ZSWIM8: variants seen among roughly 807,000 people sequenced by gnomAD.
ZSWIM8 encodes the protein zinc finger SWIM-type containing 8.
Under a neutral mutation model 173.7 loss-of-function variants are expected in ZSWIM8, and 27 were observed. The observed-to-expected ratio is 0.16, with a 90% confidence interval of 0.11 to 0.21. The LOEUF is 0.21. Ranked by LOEUF, ZSWIM8 falls within the 10% of genes least tolerant of loss-of-function variation. The pLI is 1.00. For missense variants in ZSWIM8, 1,627 were observed against 2,428.8 expected (o/e 0.67, Z 6.94); for synonymous variants, 958 against 962.0 (o/e 1.00, Z 0.08).
Position 73,799,929 on chromosome 10 carries a change from G to C in ZSWIM8, c.4666-82G>C, listed in dbSNP as rs906968961. ...CTCTATCTCAAAAAAAACATGTCAGGATAGCAGCTTGTGGGGGTGAAGCAC... is the reference window on the plus strand; with the variant it reads ...CTCTATCTCAAAAAAAACATGTCAGCATAGCAGCTTGTGGGGGTGAAGCAC... On this transcript the variant is annotated intron_variant, in intron 21 of 25. Coordinates refer to ENST00000604729, the MANE Select transcript of ZSWIM8 (RefSeq NM_001367799.1). 4.2e-6 allele frequency: 6 copies of C among 1,443,290 alleles called. No homozygotes were observed. In the African/African-American group the frequency reaches 7.0e-5, roughly 17 times the overall value. The allele number at this position is 1,443,290 out of a possible 1,614,324, so 89.4% of individuals were successfully genotyped here.
Position 73,791,362 on chromosome 10 carries a change from A to G in ZSWIM8, c.1182A>G (p.Ser394=). 6.2e-7 allele frequency: 1 copy of G among 1,613,370 alleles called. No homozygotes were observed. The highest frequency in any genetic ancestry group is 8.5e-7 in the Non-Finnish European group (1 of 1,179,392). The change falls in exon 9 of 26, where the codon TCA becomes TCG. Residue 394 remains serine (S), a synonymous_variant. Transcript: ENST00000604729. This position sits in a 1 kb window ranked among gnomAD's most constrained non-coding sequence, Gnocchi z 6.0. ...GGTATAGCGTACGTACCTCAGCCTC[A>G]CACAGCAGTGCCAGTGGGCACACGG... is the stretch of plus-strand genomic sequence containing the variant. ...GWWYSVRTSA[S]HSSASGHTGR... is the part of the protein sequence containing the mutation.
Position 73,801,633 on chromosome 10 carries a change from G to GGAT in ZSWIM8, c.*114_*115insGAT. 6.5e-7 allele frequency: 1 copy of GGAT among 1,538,416 alleles called. No homozygotes were observed. The highest frequency in any genetic ancestry group is 1.4e-5 in the African/African-American group (1 of 73,190). On this transcript the variant is annotated 3_prime_UTR_variant, in exon 26 of 26. Coordinates refer to ENST00000604729, the MANE Select transcript of ZSWIM8 (RefSeq NM_001367799.1). This position sits in a 1 kb window ranked among gnomAD's most constrained non-coding sequence, Gnocchi z 4.9. Reference sequence around the variant, plus strand: ...ATCATCCTCACTCAGTTCCCTGGTAGCACAGACTGACAGCTGCTCTTGGGC... The same window carrying GGAT: ...ATCATCCTCACTCAGTTCCCTGGTAGGATCACAGACTGACAGCTGCTCTTGGGC...
rs2083337024 is a variant in ZSWIM8, at chr10:73,789,397, C to A, written c.488C>A (p.Pro163His). ...CACCTGAGTGCTACAGTGGTGCCAC[C>A]TCAGATGGTCCCTCCTAAAGGGGCC... ...GFHLSATVVP[P>H]QMVPPKGAYN... The change falls in exon 4 of 26, where the codon CCT becomes CAT. Residue 163 changes from proline to histidine, a missense_variant. Pro to His is a moderately conservative substitution (Grantham distance 77). Coordinates refer to ENST00000604729, the MANE Select transcript of ZSWIM8 (RefSeq NM_001367799.1). This position sits in a 1 kb window ranked among gnomAD's most constrained non-coding sequence, Gnocchi z 6.8. 2 of 1,572,674 alleles carry A rather than the reference C, an allele frequency of 1.3e-6. No homozygotes were observed. The highest frequency in any genetic ancestry group is 1.7e-6 in the Non-Finnish European group (2 of 1,158,560).
rs2083339603 is a variant in ZSWIM8, at chr10:73,789,470, C to T, written c.561C>T (p.Ser187=). The T allele has an allele frequency of 6.2e-7, 1 of 1,612,410 alleles. No homozygotes were observed. Among genetic ancestry groups the T allele is most frequent in the South Asian group, 1.1e-5 (1 of 90,646 alleles). The change falls in exon 4 of 26, where the codon AGC becomes AGT. Residue 187 remains serine (S), a synonymous_variant. Coordinates refer to ENST00000604729, the MANE Select transcript of ZSWIM8 (RefSeq NM_001367799.1). This position sits in a 1 kb window ranked among gnomAD's most constrained non-coding sequence, Gnocchi z 6.8. The part of the protein sequence containing the change: ...MFDRCRVTSC[S]CTCGAGAKWC... ...ACCGCTGCCGGGTCACTTCCTGCAG[C>T]TGTACCTGTGGGGCTGGGGCCAAAT...
Position 73,800,056 on chromosome 10 carries a change from A to ACTC in ZSWIM8, c.4716_4718dup (p.Pro1573dup). 2 of 1,613,114 alleles carry ACTC rather than the reference A, an allele frequency of 1.2e-6. No homozygotes were observed. Among genetic ancestry groups the ACTC allele is most frequent in the Non-Finnish European group, 1.7e-6 (2 of 1,179,608 alleles). On this transcript the variant is annotated inframe_insertion, in exon 22 of 26. Coordinates refer to ENST00000604729, the MANE Select transcript of ZSWIM8 (RefSeq NM_001367799.1). This position sits in a 1 kb window ranked among gnomAD's most constrained non-coding sequence, Gnocchi z 4.1. ...AGGGGCTCAGTACCCTTATTCAGTGACTCCTCCCTCACTTGCTGCCACTGC... is the reference window on the plus strand; with the variant it reads ...AGGGGCTCAGTACCCTTATTCAGTGACTCCTCCTCCCTCACTTGCTGCCACTGC...
intron 2 of ZSWIM8, 42 bp downstream of exon 2, chr10:73,788,865 C>T: frequency 6.2e-7 from 1 of 1,608,060 alleles, no homozygotes; most frequent in Non-Finnish European, 8.5e-7. Context: ...GGTCCTGATA[C>T]TCCACACTGT....
chr10:73,796,650 G>A lies in ZSWIM8; in HGVS notation c.3034-124G>A. ...CCAGGAGGTCATCCTGTGGTTGTAA[G>A]TGGGGAAGGCTCCCTGAGGATGTAG... On this transcript the variant is annotated intron_variant, in intron 15 of 25. Transcript: ENST00000604729. 3.7e-6 allele frequency: 5 copies of A among 1,361,424 alleles called. No homozygotes were observed. The South Asian group carries it at 5.6e-5, about 15-fold the overall frequency. 84.3% of individuals were successfully genotyped at this position (1,361,424 alleles called of 1,614,324 possible). A position where few individuals can be genotyped will look rare whatever the true frequency, so the allele number is the denominator to read the frequency against.
rs1248086763 is a variant in ZSWIM8, at chr10:73,799,193, A to G, written c.4368A>G (p.Glu1456=). ...CSASGIRAGG[E]AGRGMPEGRG... ...CCAGTGGGATCAGGGCAGGTGGGGA[A>G]GCTGGGCGGGGTATGCCTGAGGGTA... Residue 1456 remains glutamate (E), a synonymous_variant, in exon 21 of 26, where the codon GAA becomes GAG. Coordinates refer to ENST00000604729, the MANE Select transcript of ZSWIM8 (RefSeq NM_001367799.1). 9 of 1,610,018 alleles carry G rather than the reference A, an allele frequency of 5.6e-6. No individual in the cohort carries two copies. The highest frequency in any genetic ancestry group is 3.4e-5 in the Admixed American group (2 of 59,150).
chr10:73,799,917 A>C, intron 21 of ZSWIM8, 94 bp from the exon 22 acceptor site: 2 of 1,377,992 alleles, frequency 1.5e-6, no homozygotes, highest in Non-Finnish European at 2.0e-6. Flanking sequence ...TATCTCAAAA[A>C]AAACATGTCA....
At position 73,785,845 on chromosome 10, in the gene ZSWIM8, G is replaced by GT. The variant is rs2083198747; in HGVS notation, c.-34_-33insT. The stretch of plus-strand genomic sequence containing the variant: ...CCGGCGGCCCAGGCCCCGGATCCGC[G>GT]GGGGGGGACCCGGCCCCGGGGGGTG... On this transcript the variant is annotated 5_prime_UTR_variant, in exon 1 of 26. Transcript: ENST00000604729. The GT allele has an allele frequency of 2.1e-6, 3 of 1,453,380 alleles. No individual in the cohort carries two copies. Among genetic ancestry groups the GT allele is most frequent in the Non-Finnish European group, 2.7e-6 (3 of 1,097,660 alleles). The allele number at this position is 1,453,380 out of a possible 1,614,324, so 90.0% of individuals were successfully genotyped here.
Position 73,800,115 on chromosome 10 carries a change from C to A in ZSWIM8, c.4770C>A (p.Ile1590=). 1 of 1,613,898 alleles carries A rather than the reference C, an allele frequency of 6.2e-7. No individual in the cohort carries two copies. ...VSFPVPSMAP[I]TVHPYHTEPG... The stretch of plus-strand genomic sequence containing the variant: ...TCCCCGTTCCTTCCATGGCACCCAT[C>A]ACAGTACATCCCTACCACACAGAGC... Residue 1590 remains isoleucine (I), a synonymous_variant, in exon 22 of 26, where the codon ATC becomes ATA. Transcript: ENST00000604729. This position sits in a 1 kb window ranked among gnomAD's most constrained non-coding sequence, Gnocchi z 4.1.
In ZSWIM8 at chr10:73,785,964, C is replaced by A; in HGVS notation, c.86C>A (p.Ser29Tyr). ...CGTTTTGAGGAGGATTCACTCTGTT[C>A]CTTCATCTCCGAGGCCGAGAGCCTC... ...SDRFEEDSLC[S>Y]FISEAESLCQ... The change falls in exon 1 of 26, where the codon TCC becomes TAC. Residue 29 changes from serine to tyrosine, a missense_variant. Ser to Tyr is a moderately radical substitution (Grantham distance 144, BLOSUM62 -2). This residue lies in a region of ZSWIM8 where 60 missense variants were observed against 93.9 expected (regional missense o/e 0.64). Transcript: ENST00000604729. 1 of 1,579,530 alleles carries A rather than the reference C, an allele frequency of 6.3e-7. No homozygotes were observed. The highest frequency in any genetic ancestry group is 2.3e-5 in the East Asian group (1 of 42,822).
At position 73,791,279 on chromosome 10, in the gene ZSWIM8, TTC is replaced by T. The variant is rs774720316; in HGVS notation, c.1144-41_1144-40del. 10 of 1,581,158 alleles carry T rather than the reference TTC, an allele frequency of 6.3e-6. No individual in the cohort carries two copies. In the Admixed American group the frequency reaches 6.8e-5, roughly 11 times the overall value. Reference sequence around the variant, plus strand: ...GGACTCTGGGAGGGCTACTCTGCCTTTCTCTGAGCTCTCAGGTGCAGCTCACA... The same window carrying T: ...GGACTCTGGGAGGGCTACTCTGCCTTTCTGAGCTCTCAGGTGCAGCTCACA... On this transcript the variant is annotated intron_variant, in intron 8 of 25. Transcript: ENST00000604729. This position sits in a 1 kb window ranked among gnomAD's most constrained non-coding sequence, Gnocchi z 6.0.
chr10:73,795,426 C>T, intron 14 of ZSWIM8, 113 bp from the exon 15 acceptor site: 2 of 1,517,540 alleles, frequency 1.3e-6, no homozygotes, highest in Non-Finnish European at 1.8e-6. Context: ...GTGGGTTGGA[C>T]CAAGGGAACC....
At position 73,799,330 on chromosome 10, in the gene ZSWIM8, T is replaced by G. The variant is rs1589593944; in HGVS notation, c.4505T>G (p.Leu1502Arg). The change falls in exon 21 of 26, where the codon CTG (leucine) becomes CGG (arginine). Residue 1502 changes from leucine (L) to arginine (R), a missense_variant. Around this residue, in one of 18 missense-constraint regions of ZSWIM8, gnomAD observed 275 missense variants for 290.1 expected, o/e 0.95. Transcript: ENST00000604729. ...TCTAGTTTATACCCGGGTCCAGGAC[T>G]GGGGCATGGCCACTCCCCTGGCCTG... ...VGSSLYPGPG[L>R]GHGHSPGLHP... 1 of 1,610,130 alleles carries G rather than the reference T, an allele frequency of 6.2e-7. No homozygotes were observed. The highest frequency in any genetic ancestry group is 8.5e-7 in the Non-Finnish European group (1 of 1,178,412).
chr10:73,800,289 C>A lies in ZSWIM8; in HGVS notation c.4826-7C>A. The A allele has an allele frequency of 1.2e-6, 2 of 1,613,650 alleles. No individual in the cohort carries two copies. Among genetic ancestry groups the A allele is most frequent in the Non-Finnish European group, 1.7e-6 (2 of 1,179,676 alleles). On this transcript the variant is annotated splice_region_variant and splice_polypyrimidine_tract_variant and intron_variant, in intron 22 of 25. Coordinates refer to ENST00000604729, the MANE Select transcript of ZSWIM8 (RefSeq NM_001367799.1). This position sits in a 1 kb window ranked among gnomAD's most constrained non-coding sequence, Gnocchi z 4.1. Reference sequence around the variant, plus strand: ...TGAGTTCCTCACATGGCTCTCACCCCACTTAGTGAGCAGTGTCCATCCAGC... The same window carrying A: ...TGAGTTCCTCACATGGCTCTCACCCAACTTAGTGAGCAGTGTCCATCCAGC...
rs775785471 is a variant in ZSWIM8, at chr10:73,798,216, T to C, written c.3953-14T>C. On this transcript the variant is annotated splice_polypyrimidine_tract_variant and intron_variant, in intron 19 of 25. Coordinates refer to ENST00000604729, the MANE Select transcript of ZSWIM8 (RefSeq NM_001367799.1). ...ACACTAACCCAACTCTGCCCTTCTC[T>C]CCTTTCCCCTAAGGCCAGGCCATGG... 1.9e-6 allele frequency: 3 copies of C among 1,613,130 alleles called. No homozygotes were observed. The East Asian group carries it at 6.7e-5, about 36-fold the overall frequency.
At chr10:73,796,605 G>A (rs1589582774) in intron 15 of ZSWIM8, 169 bp from the exon 16 acceptor site, 2 of 868,838 alleles carry the variant, frequency 2.3e-6, no homozygotes, top group East Asian at 5.3e-5. Context: ...GGTTAAATAA[G>A]TTACAAAAAG....
At chr10:73,788,889 C>T in intron 2 of ZSWIM8, 66 bp downstream of exon 2, 1 of 1,591,060 alleles carries the variant, frequency 6.3e-7, no homozygotes, top group Non-Finnish European at 8.6e-7. Flanking sequence ...CTGGGTTTCC[C>T]ATAGAACAAA....
Sources: allele counts gnomAD v4.1 joint callset, GRCh38; gene constraint gnomAD v4.1.1; regional missense constraint gnomAD v4.1.1; non-coding constraint Gnocchi (gnomAD v3.1); transcripts MANE v1.5; gene names NCBI Gene and HGNC (gene_info 2026-07-23, HGNC 2026-07-21).